The following OSBPL2 variants were observed in gnomAD, a reference collection of about 807,000 sequenced individuals.
OSBPL2 encodes the protein oxysterol binding protein like 2.
A neutral mutation model predicts 58.4 loss-of-function variants in OSBPL2; 18 were observed. That is an observed-to-expected ratio of 0.31 (90% confidence interval 0.21 to 0.46). OSBPL2 has a LOEUF of 0.46. Ranked by LOEUF, OSBPL2 falls within the 20% of genes least tolerant of loss-of-function variation. OSBPL2 has a pLI of 1.00. For missense variants in OSBPL2, 461 were observed against 616.5 expected, an observed-to-expected ratio of 0.75 and a Z score of 2.67; for synonymous variants, 221 against 234.1, an observed-to-expected ratio of 0.94 and a Z score of 0.51.
chr20:62,267,777 C>A (rs1344229265), intron 4 of OSBPL2, among the ~76,000 whole-genome samples: 1 of 152,260 alleles, frequency 6.6e-6, no homozygotes, highest in Non-Finnish European at 1.5e-5. Flanking sequence ...CCTGTGGGAC[C>A]AGCTCTGCTG....
chr20:62,267,579 A>G (rs1336011944), intron 4 of OSBPL2, among the ~76,000 whole-genome samples: 2 of 152,198 alleles, frequency 1.3e-5, no homozygotes, highest in Non-Finnish European at 2.9e-5. Context: ...CTGTTCCTAC[A>G]GCTAGGAACT....
chr20:62,282,801 G>A (rs185650459), intron 9 of OSBPL2, among the ~76,000 whole-genome samples: 3 of 152,302 alleles, frequency 2.0e-5, no homozygotes, highest in South Asian at 2.1e-4. Context: ...CGCTCCAGCC[G>A]GGGCAGCCAA....
intron 6 of OSBPL2, among the ~76,000 whole-genome samples, chr20:62,276,472 C>T (rs547009285): frequency 6.6e-6 from 1 of 152,234 alleles, no homozygotes; most frequent in African/African-American, 2.4e-5. Context: ...CTAATCTGTT[C>T]CTGGCTCATC....
intron 4 of OSBPL2, 51 bp from the exon 5 acceptor site, chr20:62,272,074 A>G (rs754856018): frequency 2.5e-6 from 4 of 1,606,638 alleles, no homozygotes; most frequent in East Asian, 2.2e-5. Flanking sequence ...CGGGCAGCCC[A>G]GCGGTGTCAG....
At chr20:62,240,561 C>G (rs1053855008) in intron 1 of OSBPL2, among the ~76,000 whole-genome samples, 3 of 152,184 alleles carry the variant, frequency 2.0e-5, no homozygotes, top group African/African-American at 7.2e-5. Flanking sequence ...CTAAACCACA[C>G]AGCAGTAAAT....
intron 7 of OSBPL2, chr20:62,280,008 G>T (rs1480529550): frequency 7.7e-7 from 1 of 1,304,126 alleles, no homozygotes; most frequent in Middle Eastern, 2.1e-4. Flanking sequence ...CCCCAATCCA[G>T]TGTCAACCAA....
Position 62,294,828 on chromosome 20 carries a change from T to G in OSBPL2, c.*941T>G, listed in dbSNP as rs1983759621. The G allele has an allele frequency of 6.6e-6, 1 of 152,234 alleles. No homozygotes were observed. The highest frequency in any genetic ancestry group is 2.1e-4 in the South Asian group (1 of 4,830). The allele number at this position is 152,234 out of a possible 1,614,324, so 9.4% of individuals were successfully genotyped here. On this transcript the variant is annotated 3_prime_UTR_variant, in exon 14 of 14. Transcript: ENST00000313733. ...ACAAGAATCACATCCGGTTGTGTCC[T>G]GTGGGAGGGTCAGAGGCAGAATCTA...
intron 4 of OSBPL2, among the ~76,000 whole-genome samples, chr20:62,268,746 C>T (rs1456041079): frequency 2.0e-5 from 3 of 152,058 alleles, no homozygotes; most frequent in East Asian, 3.9e-4. Context: ...ACTACAGGAA[C>T]CCACCACCAT....
chr20:62,284,067 C>T lies in OSBPL2; in HGVS notation c.894C>T (p.Ile298=). The change falls in exon 10 of 14, where the codon ATC becomes ATT. Residue 298 remains isoleucine, a synonymous_variant. Coordinates refer to ENST00000313733, the MANE Select transcript of OSBPL2 (RefSeq NM_144498.4). ...ACAGCAAAAAGAAGCTCTTTATGAT[C>T]TATGGCAAATGGACGGAATGTTTGT... ...QDKNKKKLFM[I]YGKWTECLWG... is the part of the protein sequence containing the mutation. 8 of 1,613,812 alleles carry T rather than the reference C, an allele frequency of 5.0e-6. No individual in the cohort carries two copies. Among genetic ancestry groups the T allele is most frequent in the Non-Finnish European group, 6.8e-6 (8 of 1,179,782 alleles).
At chr20:62,290,868 G>A (rs548525963) in intron 12 of OSBPL2, among the ~76,000 whole-genome samples, 1 of 151,562 alleles carries the variant, frequency 6.6e-6, no homozygotes, top group African/African-American at 2.4e-5. Flanking sequence ...CTCCCGAGTA[G>A]CTGGGATTAC....
chr20:62,244,372 C>T (rs892178781), intron 1 of OSBPL2, among the ~76,000 whole-genome samples: 5 of 152,218 alleles, frequency 3.3e-5, no homozygotes, highest in South Asian at 4.1e-4. Context: ...TACACAGCGG[C>T]GGCGGGTCGG....
At chr20:62,284,507 G>T in intron 10 of OSBPL2, 1 of 310,040 alleles carries the variant, frequency 3.2e-6, no homozygotes, top group Non-Finnish European at 6.2e-6. Context: ...CTCCCAAGTG[G>T]CTAGGACTAT....
At position 62,286,679 on chromosome 20, in the gene OSBPL2, A is replaced by C; in HGVS notation, c.1093A>C (p.Arg365=). The C allele has an allele frequency of 1.2e-6, 2 of 1,613,438 alleles. No individual in the cohort carries two copies. The highest frequency in any genetic ancestry group is 1.7e-6 in the Non-Finnish European group (2 of 1,179,744). The change falls in exon 11 of 14, where the codon AGG becomes CGG. Residue 365 remains arginine, a synonymous_variant. Coordinates refer to ENST00000313733, the MANE Select transcript of OSBPL2 (RefSeq NM_144498.4). ...CATTCCTGGCAGCAAGCTGCTCTGG[A>C]GGATCAACACCCGGCCCCCCAACTC... The part of the protein sequence containing the change: ...QVIPGSKLLW[R]INTRPPNSAQ...
At chr20:62,266,585 C>T (rs1024500317) in intron 4 of OSBPL2, among the ~76,000 whole-genome samples, 7 of 151,974 alleles carry the variant, frequency 4.6e-5, no homozygotes, top group South Asian at 2.1e-4. Flanking sequence ...GGCTGTGGCT[C>T]GTTCTGGATC....
At position 62,294,109 on chromosome 20, in the gene OSBPL2, G is replaced by A. The variant is rs1449423196; in HGVS notation, c.*222G>A. The A allele has an allele frequency of 6.5e-6, 4 of 617,432 alleles. No individual in the cohort carries two copies. Among genetic ancestry groups the A allele is most frequent in the African/African-American group, 1.9e-5 (1 of 52,220 alleles). The allele number at this position is 617,432 out of a possible 1,614,324, so 38.2% of individuals were successfully genotyped here. A position where few individuals can be genotyped will look rare whatever the true frequency, so the allele number is the denominator to read the frequency against. On this transcript the variant is annotated 3_prime_UTR_variant, in exon 14 of 14. Coordinates refer to ENST00000313733, the MANE Select transcript of OSBPL2 (RefSeq NM_144498.4). ...TCATAAAGCTTCACTTGGGATCATC[G>A]TCTTCATTAAGGTTTCAACAGGGAA... is the stretch of plus-strand genomic sequence containing the variant.
intron 7 of OSBPL2, chr20:62,280,183 A>G (rs1197893441): frequency 2.7e-6 from 3 of 1,126,024 alleles, no homozygotes; most frequent in African/African-American, 1.6e-5. Flanking sequence ...TAACAAATAC[A>G]TACAGAAATA....
At chr20:62,252,704 A>G (rs1247887140) in intron 1 of OSBPL2, among the ~76,000 whole-genome samples, 1 of 152,230 alleles carries the variant, frequency 6.6e-6, no homozygotes, top group Non-Finnish European at 1.5e-5. Flanking sequence ...TCGTTTAATT[A>G]GGTCGCGGTT....
At chr20:62,280,183 A>C in intron 7 of OSBPL2, 2 of 1,126,140 alleles carry the variant, frequency 1.8e-6, no homozygotes, top group Non-Finnish European at 2.4e-6. Context: ...TAACAAATAC[A>C]TACAGAAATA....
chr20:62,285,703 T>C (rs1323321476), intron 10 of OSBPL2: 1 of 152,574 alleles, frequency 6.6e-6, no homozygotes, highest in African/African-American at 2.4e-5. Context: ...TCAGACTCCA[T>C]GAAGCCACCG....
Sources: allele counts gnomAD v4.1 joint callset (sites outside exome capture counted in the v4.1 genomes callset), GRCh38; gene constraint gnomAD v4.1.1; transcripts MANE v1.5; gene names NCBI Gene and HGNC (gene_info 2026-07-23, HGNC 2026-07-21).